WHAMM: variants seen among roughly 807,000 people sequenced by gnomAD.
WHAMM encodes WASP homolog-associated protein with actin, membranes and microtubules.
Under a neutral mutation model 76.5 loss-of-function variants are expected in WHAMM, and 67 were observed. The observed-to-expected ratio is 0.88, with a 90% CI of 0.72 to 1.07. The LOEUF (loss-of-function observed/expected upper bound fraction) is 1.07. WHAMM is among the 50% of genes least tolerant of loss of function. WHAMM has a pLI of 0.00. For synonymous variants in WHAMM, 419 were observed against 422.1 expected, an observed-to-expected ratio of 0.99 and a Z score of 0.09; for missense variants, 1,021 against 1,051.1, an observed-to-expected ratio of 0.97 and a Z score of 0.40.
intron 3 of WHAMM, among the ~76,000 whole-genome samples, chr15:82,817,249 C>G (rs2050741573): frequency 6.6e-6 from 1 of 152,100 alleles, no homozygotes. Context: ...AAGTCCCCTG[C>G]CTTGAGGGAA....
Position 82,809,865 on chromosome 15 carries a change from G to A in WHAMM, c.139G>A (p.Asp47Asn), listed in dbSNP as rs1319945554. 6 of 1,588,728 alleles carry A rather than the reference G, an allele frequency of 3.8e-6. No homozygotes were observed. The highest frequency in any genetic ancestry group is 4.6e-5 in the East Asian group (2 of 43,186). The change falls in exon 1 of 10, where the codon GAC (aspartate) becomes AAC (asparagine). Residue 47 changes from aspartate (D) to asparagine (N), a missense_variant. Around this residue, in one of 3 missense-constraint regions of WHAMM, gnomAD observed 501 missense variants for 524.9 expected, o/e 0.95. Transcript: ENST00000286760. ...AEGKFAVTCH[D>N]RTAQQRRLRE... ...GGGCAAGTTCGCTGTGACTTGTCAC[G>A]ACCGTACCGCGCAGCAGCGGCGGCT...
rs1052247366 is a variant in WHAMM, at chr15:82,823,401, T to C, written c.1458+114T>C. ...ACCAACACAGTGATTACATTTTGTG[T>C]GCTTATGTACTTATCCATGGCTATA... On this transcript the variant is annotated intron_variant, in intron 6 of 9. Coordinates refer to ENST00000286760, the MANE Select transcript of WHAMM (RefSeq NM_001080435.3). The C allele has an allele frequency of 4.1e-5, 39 of 945,744 alleles. No individual in the cohort carries two copies. The African/African-American group carries it at 6.3e-4, about 15-fold the overall frequency. The allele number at this position is 945,744 out of a possible 1,614,324, so 58.6% of individuals were successfully genotyped here.
intron 1 of WHAMM, among the ~76,000 whole-genome samples, chr15:82,812,253 A>C (rs1419422903): frequency 1.3e-5 from 2 of 152,202 alleles, no homozygotes; most frequent in Non-Finnish European, 2.9e-5. Context: ...TTCGAGATGG[A>C]GTCTTGGCAC....
chr15:82,813,211 C>T lies in WHAMM; in HGVS notation c.718C>T (p.Gln240Ter), dbSNP rs372163888. ...GGTTACCGTGGCAACCATGTTCTTC[C>T]AGTACTTATTGCAGCCATTTAGGGC... is the stretch of plus-strand genomic sequence containing the variant. ...ELVTVATMFF[Q>*]YLLQPFRAMR... The change falls in exon 2 of 10, where the codon CAG becomes TAG. Residue 240 changes from glutamine to a stop codon, truncating the protein, a stop_gained. Coordinates refer to ENST00000286760, the MANE Select transcript of WHAMM (RefSeq NM_001080435.3). LOFTEE classifies it high-confidence loss of function. The T allele has an allele frequency of 1.2e-6, 2 of 1,612,228 alleles. No homozygotes were observed. Among genetic ancestry groups the T allele is most frequent in the African/African-American group, 2.7e-5 (2 of 74,880 alleles).
intron 2 of WHAMM, among the ~76,000 whole-genome samples, chr15:82,816,127 G>T (rs2050722065): frequency 6.6e-6 from 1 of 152,022 alleles, no homozygotes; most frequent in East Asian, 1.9e-4. Flanking sequence ...ATTCTTGAGG[G>T]TTCCACCCTC....
At chr15:82,819,090 A>G (rs545599951) in intron 4 of WHAMM, among the ~76,000 whole-genome samples, 23 of 152,330 alleles carry the variant, frequency 1.5e-4, no homozygotes, top group Middle Eastern at 3.4e-3. Context: ...TATGCAGTAC[A>G]TAATAATACC....
At chr15:82,827,303 T>C (rs866149365) in intron 8 of WHAMM, among the ~76,000 whole-genome samples, 1 of 152,182 alleles carries the variant, frequency 6.6e-6, no homozygotes, top group Non-Finnish European at 1.5e-5. Flanking sequence ...TCTACAACTT[T>C]CTTTTTTCTT....
intron 2 of WHAMM, among the ~76,000 whole-genome samples, chr15:82,814,640 C>T (rs1407722859): frequency 2.6e-4 from 39 of 150,334 alleles, no homozygotes; most frequent in Admixed American, 2.5e-3. Flanking sequence ...TTAGTAGAGA[C>T]GGGGTTTCTT....
At chr15:82,810,670 A>T in intron 1 of WHAMM, 1 of 985,468 alleles carries the variant, frequency 1.0e-6, no homozygotes, top group Non-Finnish European at 1.2e-6. Flanking sequence ...CAAGACTGAA[A>T]ACAACCCATC....
intron 5 of WHAMM, among the ~76,000 whole-genome samples, chr15:82,821,298 TTA>T (rs908615852): frequency 2.0e-5 from 3 of 152,346 alleles, no homozygotes; most frequent in Admixed American, 1.3e-4. Context: ...GCTTTTAGTA[TTA>T]TGTCTGGCAA....
rs2050610696 is a variant in WHAMM at position 82,810,532 on chromosome 15, C to T, written c.609+197C>T. 4 of 985,346 alleles carry T rather than the reference C, an allele frequency of 4.1e-6. No individual in the cohort carries two copies. The South Asian group carries it at 1.4e-4, about 35-fold the overall frequency. 61.0% of individuals were successfully genotyped at this position (985,346 alleles called of 1,614,324 possible). On this transcript the variant is annotated intron_variant, in intron 1 of 9. Coordinates refer to ENST00000286760, the MANE Select transcript of WHAMM (RefSeq NM_001080435.3). ...CCGGCGGGAGCTGCGGGAGGGTCTGCAGAGAGGACAAGCGAAGTTAGAGCC... is the reference window on the plus strand; with the variant it reads ...CCGGCGGGAGCTGCGGGAGGGTCTGTAGAGAGGACAAGCGAAGTTAGAGCC...
At chr15:82,826,134 C>T (rs935985224) in intron 6 of WHAMM, among the ~76,000 whole-genome samples, 1 of 152,128 alleles carries the variant, frequency 6.6e-6, no homozygotes, top group Non-Finnish European at 1.5e-5. Context: ...GGGACACATC[C>T]CATTTAAGAA....
At chr15:82,825,641 G>A (rs1349228588) in intron 6 of WHAMM, among the ~76,000 whole-genome samples, 1 of 152,008 alleles carries the variant, frequency 6.6e-6, no homozygotes, top group African/African-American at 2.4e-5. Context: ...TGTTAAAAGA[G>A]GATGATAGGC....
intron 5 of WHAMM, among the ~76,000 whole-genome samples, chr15:82,822,295 G>C (rs147506660): frequency 9.9e-5 from 15 of 152,282 alleles, no homozygotes; most frequent in African/African-American, 3.4e-4. Flanking sequence ...ATCTGCTAAG[G>C]AAGTGATAAA....
At chr15:82,825,058 G>C (rs1223904727) in intron 6 of WHAMM, among the ~76,000 whole-genome samples, 2 of 152,144 alleles carry the variant, frequency 1.3e-5, no homozygotes, top group Non-Finnish European at 2.9e-5. Context: ...CCAGGATGTT[G>C]AGGCTTCAGT....
chr15:82,833,538 C>T lies in WHAMM; in HGVS notation c.*2C>T. ...GACCCTGGCCAGTGGGATGGTTAGG[C>T]TCAAGTTTGACAAAGGCACCTGCCA... On this transcript the variant is annotated 3_prime_UTR_variant, in exon 10 of 10. Transcript: ENST00000286760. The T allele has an allele frequency of 6.2e-7, 1 of 1,612,016 alleles. No homozygotes were observed.
At position 82,833,702 on chromosome 15, in the gene WHAMM, T is replaced by C; in HGVS notation, c.*166T>C. The C allele has an allele frequency of 1.4e-6, 1 of 730,478 alleles. No homozygotes were observed. The highest frequency in any genetic ancestry group is 2.2e-6 in the Non-Finnish European group (1 of 463,672). The allele number at this position is 730,478 out of a possible 1,614,324, so 45.2% of individuals were successfully genotyped here. A position where few individuals can be genotyped will look rare whatever the true frequency, so the allele number is the denominator to read the frequency against. On this transcript the variant is annotated 3_prime_UTR_variant, in exon 10 of 10. Transcript: ENST00000286760. ...TGCTGCAGCATTTTTTTTTTTTTTC[T>C]TTTTTGAGATGGAGTCTCACTCTGT...
intron 4 of WHAMM, 87 bp downstream of exon 4, chr15:82,818,176 T>G: frequency 1.4e-6 from 2 of 1,398,044 alleles, no homozygotes; most frequent in Non-Finnish European, 1.9e-6. Flanking sequence ...CAAGTGCAGT[T>G]TTTGTTCCAT....
At chr15:82,820,353 C>T (rs781659804) in intron 5 of WHAMM, among the ~76,000 whole-genome samples, 1 of 151,930 alleles carries the variant, frequency 6.6e-6, no homozygotes, top group Non-Finnish European at 1.5e-5. Flanking sequence ...CCATGATTTC[C>T]AAATTTCAGG....
Sources: gnomAD v4.1 joint callset for allele counts (sites outside exome capture counted in the v4.1 genomes callset) on GRCh38, gnomAD v4.1.1 for gene constraint, gnomAD v4.1.1 regional missense constraint, MANE v1.5 for transcripts, NCBI Gene and HGNC (gene_info 2026-07-23, HGNC 2026-07-21) for gene names.